The following KCNH8 variants were observed in gnomAD, a reference collection of about 807,000 sequenced individuals.
The protein encoded by KCNH8 is potassium voltage-gated channel subfamily H member 8, also known as voltage-gated delayed rectifier potassium channel KCNH8.
KCNH8 carries 70 observed loss-of-function variants against 103.6 expected under a neutral mutation model. That is an observed-to-expected ratio of 0.68 (90% CI 0.56 to 0.82). The LOEUF is 0.82. Among genes scored for constraint, KCNH8 ranks in the 40% least tolerant of loss-of-function variants. The pLI is 0.00. For synonymous variants in KCNH8, 498 were observed against 489.4 expected (o/e 1.02, Z -0.23); for missense variants, 1,217 against 1,329.9 (o/e 0.92, Z 1.32).
At chr3:19,471,242 A>T (rs2067849728) in intron 11 of KCNH8, among the ~76,000 whole-genome samples, 1 of 152,212 alleles carries the variant, frequency 6.6e-6, no homozygotes, top group African/African-American at 2.4e-5. Flanking sequence ...TTAAATTTGC[A>T]TATGCACACA....
intron 7 of KCNH8, among the ~76,000 whole-genome samples, chr3:19,433,125 A>G (rs1266490059): frequency 3.3e-5 from 5 of 152,140 alleles, no homozygotes; most frequent in Non-Finnish European, 5.9e-5. Context: ...ATCAATGTTC[A>G]AAAACTTCCT....
chr3:19,351,089 C>T (rs1458646870), intron 5 of KCNH8, among the ~76,000 whole-genome samples: 1 of 151,968 alleles, frequency 6.6e-6, no homozygotes, highest in Non-Finnish European at 1.5e-5. Flanking sequence ...ATGACGCATG[C>T]ACAAGCTTCA....
chr3:19,273,412 C>G (rs1559453311), intron 2 of KCNH8, among the ~76,000 whole-genome samples: 1 of 152,176 alleles, frequency 6.6e-6, no homozygotes, highest in Non-Finnish European at 1.5e-5. Flanking sequence ...TGTCTGCTCA[C>G]TACCAATTGT....
intron 4 of KCNH8, among the ~76,000 whole-genome samples, chr3:19,346,003 T>C (rs1186964242): frequency 1.3e-5 from 2 of 152,030 alleles, no homozygotes; most frequent in South Asian, 4.1e-4. Flanking sequence ...TCCCAAATCA[T>C]TACCCTAGAT....
At chr3:19,389,172 A>G (rs550991498) in intron 5 of KCNH8, among the ~76,000 whole-genome samples, 1 of 152,314 alleles carries the variant, frequency 6.6e-6, no homozygotes, top group African/African-American at 2.4e-5. Context: ...ACTTAAAACA[A>G]CATCCATTTA....
intron 1 of KCNH8, among the ~76,000 whole-genome samples, chr3:19,219,560 T>C (rs1162973056): frequency 6.6e-6 from 1 of 152,292 alleles, no homozygotes; most frequent in South Asian, 2.1e-4. Flanking sequence ...TATATTGGAG[T>C]AAGGCAGGTG....
In KCNH8 at chr3:19,502,858, T is replaced by C. The variant is rs1346510987; in HGVS notation, c.2041-7505T>C. 6.6e-5 allele frequency among the ~76,000 whole-genome samples: 10 copies of C among 151,590 alleles called. No individual in the cohort carries two copies. The South Asian group carries it at 1.1e-3, about 16-fold the overall frequency. The stretch of plus-strand genomic sequence containing the variant: ...AACCTAGGCATTACCATTCAGGACA[T>C]AGGCATGGGCAAGGACTTCATGTCT... On this transcript the variant is annotated intron_variant, in intron 11 of 15. Coordinates refer to ENST00000328405, the MANE Select transcript of KCNH8 (RefSeq NM_144633.3).
intron 7 of KCNH8, among the ~76,000 whole-genome samples, chr3:19,435,911 GT>G (rs2125169773): frequency 6.6e-6 from 1 of 152,238 alleles, no homozygotes; most frequent in South Asian, 2.1e-4. Flanking sequence ...TGTACACATT[GT>G]TAATGCACAC....
chr3:19,419,422 G>C (rs529468222), intron 7 of KCNH8, among the ~76,000 whole-genome samples: 6 of 151,030 alleles, frequency 4.0e-5, no homozygotes, highest in Admixed American at 1.3e-4. Context: ...GGATGGTCTC[G>C]ATCTCCTGAC....
chr3:19,382,492 C>T (rs934564942), intron 5 of KCNH8, among the ~76,000 whole-genome samples: 10 of 152,116 alleles, frequency 6.6e-5, no homozygotes, highest in South Asian at 2.1e-4. Flanking sequence ...AAATTTAATA[C>T]GTTAACTGTA....
At chr3:19,456,642 C>A in intron 10 of KCNH8, 126 bp from the exon 11 acceptor site, 1 of 648,376 alleles carries the variant, frequency 1.5e-6, no homozygotes, top group Non-Finnish European at 2.7e-6. Context: ...AAAGCCCTGC[C>A]CCAAGGTAAA....
In KCNH8 at chr3:19,284,112, C is replaced by A. The variant is rs111773660; in HGVS notation, c.442+2783C>A. ...AAGTGTTTGATTATTAAAATGTCAC[C>A]ATGTAACTGTAGCAGTATTATGTCA... On this transcript the variant is annotated intron_variant, in intron 3 of 15. Coordinates refer to ENST00000328405, the MANE Select transcript of KCNH8 (RefSeq NM_144633.3). Among the ~76,000 whole-genome samples, 425 of 151,622 alleles carry A rather than the reference C, an allele frequency of 2.8e-3. 1 individual carries two copies. The highest frequency in any genetic ancestry group is 9.0e-3 in the South Asian group (43 of 4,788).
intron 11 of KCNH8, among the ~76,000 whole-genome samples, chr3:19,494,726 GA>G (rs201705550): frequency 0.014 from 2,151 of 152,208 alleles, 49 homozygotes; most frequent in African/African-American, 0.047. Flanking sequence ...CTGGTAATGG[GA>G]TTGCTGGATC....
intron 7 of KCNH8, among the ~76,000 whole-genome samples, chr3:19,424,204 A>G (rs2066992339): frequency 6.6e-6 from 1 of 152,124 alleles, no homozygotes; most frequent in Non-Finnish European, 1.5e-5. Context: ...CTGATATACT[A>G]CAAGGCTATA....
chr3:19,441,467 C>T (rs565840509), intron 8 of KCNH8, among the ~76,000 whole-genome samples: 2 of 152,296 alleles, frequency 1.3e-5, no homozygotes, highest in South Asian at 4.1e-4. Flanking sequence ...ATATTATCCA[C>T]ATTTTTCAGA....
rs754806004 is a variant in KCNH8, at chr3:19,533,888, C to T, written c.3113C>T (p.Ser1038Leu). The change falls in exon 16 of 16, where the codon TCG becomes TTG. Residue 1038 changes from serine (S) to leucine (L), a missense_variant. Transcript: ENST00000328405. The stretch of plus-strand genomic sequence containing the variant: ...CTCTCATCTTCTGTCTGCTCCTCTT[C>T]GGAAACATCTTTGCACCTAGTTCTC... Reference protein sequence around the residue: ...ATLSSSVCSSSETSLHLVLPS... With the variant: ...ATLSSSVCSSLETSLHLVLPS... The T allele has an allele frequency of 2.7e-5, 43 of 1,614,032 alleles. No homozygotes were observed. The highest frequency in any genetic ancestry group is 3.2e-5 in the Non-Finnish European group (38 of 1,180,036).
At chr3:19,246,423 C>T (rs541396051) in intron 1 of KCNH8, among the ~76,000 whole-genome samples, 10 of 151,212 alleles carry the variant, frequency 6.6e-5, no homozygotes, top group African/African-American at 1.9e-4. Flanking sequence ...ACTACAGGCA[C>T]GTGCCACCAT....
At chr3:19,263,938 A>G (rs1333301415) in intron 2 of KCNH8, among the ~76,000 whole-genome samples, 1 of 152,032 alleles carries the variant, frequency 6.6e-6, no homozygotes, top group Non-Finnish European at 1.5e-5. Context: ...AACAGTTACC[A>G]TGCTTCTTTC....
At chr3:19,419,461 A>T (rs2066918983) in intron 7 of KCNH8, among the ~76,000 whole-genome samples, 1 of 151,800 alleles carries the variant, frequency 6.6e-6, no homozygotes, top group Admixed American at 6.6e-5. Context: ...CGGCCTCCCA[A>T]AGTGCTGGGA....
Sources: allele counts gnomAD v4.1 joint callset (sites outside exome capture counted in the v4.1 genomes callset), GRCh38; gene constraint gnomAD v4.1.1; transcripts MANE v1.5; gene names NCBI Gene and HGNC (gene_info 2026-07-23, HGNC 2026-07-21).